SCN3A: variants seen among roughly 807,000 people sequenced by gnomAD.
SCN3A encodes the protein sodium voltage-gated channel alpha subunit 3.
In SCN3A, 60 loss-of-function variants were observed where a neutral mutation model predicts 187.6. That is an observed-to-expected ratio of 0.32 (90% CI 0.26 to 0.40). The LOEUF is 0.40. Among genes scored for constraint, SCN3A ranks in the 10% least tolerant of loss-of-function variants. The pLI, the probability that SCN3A is intolerant of heterozygous loss-of-function variation, is 1.00. For synonymous variants in SCN3A, 788 were observed against 829.2 expected (o/e 0.95, Z 0.85); for missense variants, 1,601 against 2,428.2 (o/e 0.66, Z 7.16).
Position 165,102,694 on chromosome 2 carries a change from C to A in SCN3A, c.3844-2270G>T, listed in dbSNP as rs527753028. 6.6e-5 allele frequency among the ~76,000 whole-genome samples: 10 copies of A among 152,216 alleles called. No homozygotes were observed. The South Asian group carries it at 1.9e-3, about 28-fold the overall frequency. ...ATGAAGCTACACTTATTTTAATGGA[C>A]CTCATGGCCCAGAGGACATAGTGCC... On this transcript the variant is annotated intron_variant, in intron 21 of 27. Coordinates refer to ENST00000283254, the MANE Select transcript of SCN3A (RefSeq NM_006922.4).
chr2:165,132,443 A>G (rs1256213352), intron 15 of SCN3A, among the ~76,000 whole-genome samples: 18 of 152,210 alleles, frequency 1.2e-4, no homozygotes, highest in Non-Finnish European at 2.4e-4. Flanking sequence ...ATATAGATCA[A>G]TGGAACAGAA....
chr2:165,153,000 A>T (rs75508874), intron 11 of SCN3A, among the ~76,000 whole-genome samples: 7 of 139,784 alleles, frequency 5.0e-5, no homozygotes, highest in Admixed American at 7.1e-5. Flanking sequence ...AACAGCTTTG[A>T]AAAAAAAAAA....
In SCN3A at chr2:165,090,361, G is replaced by A. The variant is rs762239762; in HGVS notation, c.5792C>T (p.Ala1931Val). 1.2e-5 allele frequency: 20 copies of A among 1,612,606 alleles called. No homozygotes were observed. The highest frequency in any genetic ancestry group is 1.7e-5 in the Non-Finnish European group (20 of 1,178,822). The change falls in exon 28 of 28, where the codon GCA (alanine) becomes GTA (valine). Residue 1931 changes from alanine (A) to valine (V), a missense_variant. Ala to Val is a moderately conservative substitution (Grantham distance 64). This residue lies in a region of SCN3A where 87 missense variants were observed against 89.2 expected (regional missense o/e 0.98). Coordinates refer to ENST00000283254, the MANE Select transcript of SCN3A (RefSeq NM_006922.4). The surrounding 1 kb of genome is among the most constrained non-coding windows in gnomAD (Gnocchi z 4.0). ...KNISSNYNKE[A>V]IKGRIDLPIK... The stretch of plus-strand genomic sequence containing the variant: ...AGGTAAGTCAATCCTCCCTTTAATT[G>A]CCTCTTTGTTATAGTTACTTGATAT...
At chr2:165,193,060 T>C (rs1691712862) in intron 1 of SCN3A, among the ~76,000 whole-genome samples, 1 of 152,174 alleles carries the variant, frequency 6.6e-6, no homozygotes, top group African/African-American at 2.4e-5. Flanking sequence ...CTTTTTTTGA[T>C]ATTAAAATCT....
intron 25 of SCN3A, 56 bp downstream of exon 25, chr2:165,095,455 T>C: frequency 6.5e-7 from 1 of 1,531,152 alleles, no homozygotes. Context: ...GTTATTTGGC[T>C]GTATTAACAG....
chr2:165,112,008 C>G (rs1221689048), intron 21 of SCN3A, among the ~76,000 whole-genome samples: 1 of 152,170 alleles, frequency 6.6e-6, no homozygotes, highest in African/African-American at 2.4e-5. Flanking sequence ...GAACGAGGCA[C>G]ACATATGGCA....
intron 9 of SCN3A, among the ~76,000 whole-genome samples, chr2:165,160,023 G>A (rs1178474454): frequency 7.4e-6 from 1 of 135,220 alleles, no homozygotes; most frequent in Non-Finnish European, 1.5e-5. Context: ...CAGCTACTCG[G>A]GAGGCTGAGG....
At chr2:165,174,709 T>C (rs1168664117) in intron 3 of SCN3A, among the ~76,000 whole-genome samples, 2 of 152,220 alleles carry the variant, frequency 1.3e-5, no homozygotes, top group African/African-American at 2.4e-5. Flanking sequence ...GTCCAATTTC[T>C]TGGGGGGTGA....
rs75324726 is a variant in SCN3A at position 165,090,801 on chromosome 2, G to A, written c.5352C>T (p.Pro1784=). ...FSVATEESAE[P]LSEDDFEMFY... is the part of the protein sequence containing the mutation. Reference sequence around the variant, plus strand: ...ACATCTCAAAGTCATCCTCACTCAGGGGCTCTGCACTTTCTTCAGTAGCAA... The same window carrying A: ...ACATCTCAAAGTCATCCTCACTCAGAGGCTCTGCACTTTCTTCAGTAGCAA... Residue 1784 remains proline, a synonymous_variant, in exon 28 of 28, where the codon CCC becomes CCT. Transcript: ENST00000283254. The surrounding 1 kb of genome is among the most constrained non-coding windows in gnomAD (Gnocchi z 4.0). The A allele has an allele frequency of 1.9e-6, 3 of 1,613,960 alleles. No homozygotes were observed. Among genetic ancestry groups the A allele is most frequent in the Non-Finnish European group, 2.5e-6 (3 of 1,179,996 alleles).
intron 21 of SCN3A, among the ~76,000 whole-genome samples, chr2:165,112,126 G>A (rs1379381201): frequency 6.6e-6 from 1 of 152,214 alleles, no homozygotes; most frequent in East Asian, 1.9e-4. Flanking sequence ...TTAGGAGGCT[G>A]TGAAGCCTTG....
intron 2 of SCN3A, among the ~76,000 whole-genome samples, chr2:165,186,029 T>G (rs982034941): frequency 2.0e-5 from 3 of 152,116 alleles, no homozygotes; most frequent in African/African-American, 7.2e-5. Flanking sequence ...CCCAGCACTT[T>G]GGGAGGCCGA....
In SCN3A at chr2:165,162,549, T is replaced by A. The variant is rs769841854; in HGVS notation, c.967+7A>T. 12 of 1,613,928 alleles carry A rather than the reference T, an allele frequency of 7.4e-6. No homozygotes were observed. Among genetic ancestry groups the A allele is most frequent in the Non-Finnish European group, 1.0e-5 (12 of 1,179,946 alleles). On this transcript the variant is annotated splice_region_variant and intron_variant, in intron 8 of 27. Transcript: ENST00000283254. ...CACTAAGGTTAACATAATGTAATAC[T>A]TCTTACTGTCATCTCCAATGTAATC... is the stretch of plus-strand genomic sequence containing the variant.
At chr2:165,160,690 G>T (rs1334547310) in intron 9 of SCN3A, among the ~76,000 whole-genome samples, 1 of 151,804 alleles carries the variant, frequency 6.6e-6, no homozygotes, top group Non-Finnish European at 1.5e-5. Context: ...ATCCAGGCTG[G>T]AGTGTAGTGG....
Position 165,092,371 on chromosome 2 carries a change from C to G in SCN3A, c.4690G>C (p.Val1564Leu), listed in dbSNP as rs775646688. 9 of 1,613,952 alleles carry G rather than the reference C, an allele frequency of 5.6e-6. No individual in the cohort carries two copies. In the Admixed American group the frequency reaches 6.7e-5, roughly 12 times the overall value. Reference protein sequence around the residue: ...MTLVLSRINLVFIVLFTGEFV... With the variant: ...MTLVLSRINLLFIVLFTGEFV... The stretch of plus-strand genomic sequence containing the variant: ...TCTCCAGTGAACAGAACAATGAACA[C>G]TAGGTTGATCCGGGACAAAACTAGG... The change falls in exon 27 of 28, where the codon GTG (valine) becomes CTG (leucine). Residue 1564 changes from valine to leucine, a missense_variant. Coordinates refer to ENST00000283254, the MANE Select transcript of SCN3A (RefSeq NM_006922.4). This position sits in a 1 kb window ranked among gnomAD's most constrained non-coding sequence, Gnocchi z 4.2.
At chr2:165,108,640 A>G (rs1258802219) in intron 21 of SCN3A, among the ~76,000 whole-genome samples, 1 of 152,204 alleles carries the variant, frequency 6.6e-6, no homozygotes, top group African/African-American at 2.4e-5. Context: ...GCAAAAATTG[A>G]TAAGGACCTC....
Position 165,090,128 on chromosome 2 carries a change from A to C in SCN3A, c.*22T>G. 6.4e-7 allele frequency: 1 copy of C among 1,559,322 alleles called. No individual in the cohort carries two copies. Among genetic ancestry groups the C allele is most frequent in the Non-Finnish European group, 8.7e-7 (1 of 1,150,190 alleles). On this transcript the variant is annotated 3_prime_UTR_variant, in exon 28 of 28. Coordinates refer to ENST00000283254, the MANE Select transcript of SCN3A (RefSeq NM_006922.4). This position sits in a 1 kb window ranked among gnomAD's most constrained non-coding sequence, Gnocchi z 4.0. ...TCATAGGCTGTAAACAATTGATCACAAAGATAATTCTTTGTTTCTTTTTAC... is the reference window on the plus strand; with the variant it reads ...TCATAGGCTGTAAACAATTGATCACCAAGATAATTCTTTGTTTCTTTTTAC...
At chr2:165,144,547 TCA>T (rs960087457) in intron 12 of SCN3A, among the ~76,000 whole-genome samples, 4 of 152,140 alleles carry the variant, frequency 2.6e-5, no homozygotes, top group African/African-American at 7.2e-5. Context: ...ACTTCCTCTT[TCA>T]TCAGTTTAGA....
At chr2:165,172,304 G>A (rs968676619) in intron 3 of SCN3A, among the ~76,000 whole-genome samples, 6 of 152,056 alleles carry the variant, frequency 3.9e-5, no homozygotes, top group Admixed American at 1.3e-4. Flanking sequence ...TAAGACCATA[G>A]AGCCAACCAT....
At chr2:165,151,595 A>T (rs1367664045) in intron 11 of SCN3A, among the ~76,000 whole-genome samples, 3 of 152,202 alleles carry the variant, frequency 2.0e-5, no homozygotes, top group African/African-American at 7.2e-5. Flanking sequence ...TTGTTAGCTT[A>T]TGGCCTGGAA....
Sources: allele counts gnomAD v4.1 joint callset (sites outside exome capture counted in the v4.1 genomes callset), GRCh38; gene constraint gnomAD v4.1.1; regional missense constraint gnomAD v4.1.1; non-coding constraint Gnocchi (gnomAD v3.1); transcripts MANE v1.5; gene names NCBI Gene and HGNC (gene_info 2026-07-23, HGNC 2026-07-21).